Variants in SEMA5A observed in about 807,000 individuals in gnomAD.
The protein encoded by SEMA5A is semaphorin-5A.
Under a neutral mutation model 135.5 loss-of-function variants are expected in SEMA5A, and 55 were observed. That is an observed-to-expected ratio of 0.41 (90% confidence interval 0.33 to 0.51). The LOEUF (loss-of-function observed/expected upper bound fraction) is 0.51. SEMA5A is among the 20% of genes least tolerant of loss of function. The pLI is 0.37. For missense variants in SEMA5A, 1,290 were observed against 1,419.9 expected, an observed-to-expected ratio of 0.91 and a Z score of 1.47; for synonymous variants, 580 against 546.5, an observed-to-expected ratio of 1.06 and a Z score of -0.85.
chr5:9,361,290 C>T (rs1376095545), intron 3 of SEMA5A, among the ~76,000 whole-genome samples: 1 of 128,410 alleles, frequency 7.8e-6, no homozygotes, highest in Non-Finnish European at 1.6e-5. Context: ...CAAAGCGAGA[C>T]TCTGTCTCAA....
intron 18 of SEMA5A, 89 bp downstream of exon 18, chr5:9,062,798 C>A (rs1489766202): frequency 5.2e-6 from 7 of 1,348,000 alleles, no homozygotes; most frequent in Non-Finnish European, 7.4e-6. Flanking sequence ...AAACACGAAG[C>A]CAGGGAGCTG....
intron 10 of SEMA5A, among the ~76,000 whole-genome samples, chr5:9,195,260 G>A (rs920385573): frequency 6.6e-6 from 1 of 152,116 alleles, no homozygotes; most frequent in Admixed American, 6.5e-5. Context: ...TTGAACTCCT[G>A]GGCTCAAGCA....
chr5:9,080,648 C>T (rs1738328188), intron 16 of SEMA5A, among the ~76,000 whole-genome samples: 1 of 151,974 alleles, frequency 6.6e-6, no homozygotes, highest in Non-Finnish European at 1.5e-5. Flanking sequence ...TCAGGGGTAA[C>T]GATGTAGTTT....
intron 8 of SEMA5A, among the ~76,000 whole-genome samples, chr5:9,213,027 G>T (rs746778814): frequency 6.6e-6 from 1 of 152,176 alleles, no homozygotes; most frequent in South Asian, 2.1e-4. Context: ...TTGCTTTCTG[G>T]TTCCTAGCCG....
At chr5:9,105,898 T>G (rs917520104) in intron 16 of SEMA5A, among the ~76,000 whole-genome samples, 1 of 152,260 alleles carries the variant, frequency 6.6e-6, no homozygotes, top group Admixed American at 6.5e-5. Context: ...TAGGTAACTA[T>G]CATTTTTAAA....
At chr5:9,315,567 C>T (rs1026171301) in intron 5 of SEMA5A, among the ~76,000 whole-genome samples, 1 of 152,094 alleles carries the variant, frequency 6.6e-6, no homozygotes, top group Non-Finnish European at 1.5e-5. Flanking sequence ...GATGGAAGAG[C>T]TCTTTATTAT....
At chr5:9,255,593 T>C (rs1395741834) in intron 5 of SEMA5A, among the ~76,000 whole-genome samples, 1 of 152,056 alleles carries the variant, frequency 6.6e-6, no homozygotes, top group East Asian at 1.9e-4. Context: ...CCTGTCCAGG[T>C]TTTCTTCCTC....
chr5:9,378,273 AC>A (rs1308872786), intron 3 of SEMA5A, among the ~76,000 whole-genome samples: 2 of 152,174 alleles, frequency 1.3e-5, no homozygotes, highest in Admixed American at 1.3e-4. Flanking sequence ...CATAAGGTGT[AC>A]CTTCAGGATA....
rs1200091766 is a variant in SEMA5A, at chr5:9,040,503, G to C, written c.*2394C>G. The C allele has an allele frequency of 1.3e-5, 2 of 152,248 alleles. No individual in the cohort carries two copies. The highest frequency in any genetic ancestry group is 4.8e-5 in the African/African-American group (2 of 41,462). 9.4% of individuals were successfully genotyped at this position (152,248 alleles called of 1,614,324 possible). A position where few individuals can be genotyped will look rare whatever the true frequency, so the allele number is the denominator to read the frequency against. On this transcript the variant is annotated 3_prime_UTR_variant, in exon 23 of 23. Transcript: ENST00000382496. ...TATTCCACAGCTGGTAAAATACTTA[G>C]AATATATCTGAAATTATCTAAACAC...
chr5:9,247,643 C>T (rs538205081), intron 5 of SEMA5A, among the ~76,000 whole-genome samples: 1 of 152,244 alleles, frequency 6.6e-6, no homozygotes, highest in South Asian at 2.1e-4. Flanking sequence ...TCAAAGTCAA[C>T]AAAGATTGAC....
chr5:9,531,744 C>T lies in SEMA5A; in HGVS notation c.-175+13840G>A, dbSNP rs1031970744. Reference sequence around the variant, plus strand: ...CCGAGAGAGGAAAAACCATCTCTAGCCTCTACACACTGTCTTCCCAGGGCA... The same window carrying T: ...CCGAGAGAGGAAAAACCATCTCTAGTCTCTACACACTGTCTTCCCAGGGCA... On this transcript the variant is annotated intron_variant, in intron 1 of 22. Coordinates refer to ENST00000382496, the MANE Select transcript of SEMA5A (RefSeq NM_003966.3). Among the ~76,000 whole-genome samples, 6 of 152,166 alleles carry T rather than the reference C, an allele frequency of 3.9e-5. 1 individual carries two copies. The highest frequency in any genetic ancestry group is 3.3e-4 in the Admixed American group (5 of 15,276).
At chr5:9,162,285 C>T (rs904668273) in intron 11 of SEMA5A, among the ~76,000 whole-genome samples, 1 of 151,640 alleles carries the variant, frequency 6.6e-6, no homozygotes, top group Non-Finnish European at 1.5e-5. Flanking sequence ...CATATTAAAG[C>T]AAGTGCAAAT....
intron 1 of SEMA5A, among the ~76,000 whole-genome samples, chr5:9,534,635 A>G (rs555432804): frequency 1.3e-5 from 2 of 152,320 alleles, no homozygotes; most frequent in South Asian, 4.1e-4. Context: ...CACCTCGTGC[A>G]AGAAAGAATT....
At chr5:9,054,396 A>G (rs1245993035) in intron 18 of SEMA5A, 139 bp from the exon 19 acceptor site, 3 of 1,070,468 alleles carry the variant, frequency 2.8e-6, no homozygotes, top group Non-Finnish European at 1.3e-6. Context: ...GCTTCAGTGC[A>G]TAGGCACACG....
chr5:9,231,229 C>T (rs978262626), intron 6 of SEMA5A, among the ~76,000 whole-genome samples: 5 of 151,864 alleles, frequency 3.3e-5, no homozygotes, highest in Admixed American at 2.6e-4. Context: ...CACTTTGGAA[C>T]GCCAAGGCAG....
intron 2 of SEMA5A, among the ~76,000 whole-genome samples, chr5:9,415,410 C>T (rs1757250270): frequency 6.6e-6 from 1 of 152,036 alleles, no homozygotes; most frequent in Non-Finnish European, 1.5e-5. Context: ...AAAATGATAG[C>T]ACGAGGAGGG....
Position 9,453,203 on chromosome 5 carries a change from G to A in SEMA5A, c.-174-15351C>T, listed in dbSNP as rs556254860. Among the ~76,000 whole-genome samples the A allele has an allele frequency of 5.9e-5, 9 of 152,296 alleles. No homozygotes were observed. The East Asian group carries it at 7.7e-4, about 13-fold the overall frequency. Reference sequence around the variant, plus strand: ...AGATTACATATTTGCAAATTCACCTGTTAGCTAAAGTGTATTTGCAACCTC... The same window carrying A: ...AGATTACATATTTGCAAATTCACCTATTAGCTAAAGTGTATTTGCAACCTC... On this transcript the variant is annotated intron_variant, in intron 1 of 22. Transcript: ENST00000382496.
chr5:9,265,064 G>GA, intron 5 of SEMA5A, among the ~76,000 whole-genome samples: 1 of 152,262 alleles, frequency 6.6e-6, no homozygotes, highest in Non-Finnish European at 1.5e-5. Context: ...AAAAGTTAGG[G>GA]AAAATTCTTA....
At chr5:9,286,727 C>T (rs200942112) in intron 5 of SEMA5A, among the ~76,000 whole-genome samples, 6 of 17,746 alleles carry the variant, frequency 3.4e-4, no homozygotes, top group Admixed American at 2.9e-3. Context: ...TACACACATA[C>T]ACACACACAC....
Sources: gnomAD v4.1 joint callset for allele counts (sites outside exome capture counted in the v4.1 genomes callset) on GRCh38, gnomAD v4.1.1 for gene constraint, MANE v1.5 for transcripts, NCBI Gene and HGNC (gene_info 2026-07-23, HGNC 2026-07-21) for gene names.